PDE4C: variants seen among roughly 807,000 people sequenced by gnomAD.
PDE4C encodes 3',5'-cyclic-AMP phosphodiesterase 4C.
A neutral mutation model predicts 63.9 loss-of-function variants in PDE4C; 50 were observed. The ratio of observed to expected loss-of-function variants is 0.78; its 90% CI spans 0.62 to 0.99. The LOEUF (loss-of-function observed/expected upper bound fraction) is 0.99. Among genes scored for constraint, PDE4C ranks in the 50% least tolerant of loss-of-function variants. PDE4C has a pLI of 0.00. For synonymous variants in PDE4C, 377 were observed against 385.1 expected (o/e 0.98, Z 0.25); for missense variants, 777 against 899.1 (o/e 0.86, Z 1.74).
exon 15 of PDE4C, chr19:18,211,222 C>G: frequency 6.2e-6 from 10 of 1,610,834 alleles, no homozygotes; most frequent in Non-Finnish European, 8.5e-6. Flanking sequence ...TCTGGGTGGA[C>G]CAGGTCAGCC....
At chr19:18,225,700 G>C (rs1362788939) in intron 1 of PDE4C, 2 of 153,306 alleles carry the variant, frequency 1.3e-5, no homozygotes, top group East Asian at 3.8e-4. Flanking sequence ...AGAGGATGCA[G>C]CGCAAGCAGC....
At chr19:18,225,944 GTCA>G (rs1968700936) in intron 1 of PDE4C, among the ~76,000 whole-genome samples, 1 of 152,228 alleles carries the variant, frequency 6.6e-6, no homozygotes, top group Non-Finnish European at 1.5e-5. Context: ...GCCGGCGAGG[GTCA>G]GGAGGAGACG....
chr19:18,244,301 GTTTTT>G (rs945257643), intron 1 of PDE4C, among the ~76,000 whole-genome samples: 1 of 139,132 alleles, frequency 7.2e-6, no homozygotes, highest in East Asian at 2.2e-4. Flanking sequence ...GTTTTGTTTT[GTTTTT>G]TTTTTTGAGA....
At chr19:18,229,825 C>G (rs1376269945), upstream of PDE4C, among the ~76,000 whole-genome samples, 1 of 152,014 alleles carries the variant, frequency 6.6e-6, no homozygotes, top group East Asian at 1.9e-4. Flanking sequence ...CCTCCCATGG[C>G]CCCCCATTGC....
intron 1 of PDE4C, among the ~76,000 whole-genome samples, chr19:18,240,823 A>G (rs1290881245): frequency 6.6e-6 from 1 of 152,152 alleles, no homozygotes; most frequent in Non-Finnish European, 1.5e-5. Context: ...CGGAGAACGG[A>G]TGTGAGTTGA....
chr19:18,220,232 A>G lies in PDE4C; in HGVS notation c.700T>C (p.Phe234Leu). Residue 234 changes from phenylalanine (F) to leucine (L), a missense_variant, in exon 7 of 15, where the codon TTC becomes CTC. Coordinates refer to ENST00000262805, the Ensembl canonical transcript of PDE4C. This position sits in a 1 kb window ranked among gnomAD's most constrained non-coding sequence, Gnocchi z 5.1. ...GTGACTCAACAAAGCTCACCCAGGAAGGTCCGGGAGATGTACTCGGACACC... is the reference window on the plus strand; with the variant it reads ...GTGACTCAACAAAGCTCACCCAGGAGGGTCCGGGAGATGTACTCGGACACC... 6.2e-7 allele frequency: 1 copy of G among 1,613,120 alleles called. No individual in the cohort carries two copies. Among genetic ancestry groups the G allele is most frequent in the Non-Finnish European group, 8.5e-7 (1 of 1,179,178 alleles).
intron 1 of PDE4C, among the ~76,000 whole-genome samples, chr19:18,246,658 T>G (rs1969140505): frequency 6.6e-6 from 1 of 152,076 alleles, no homozygotes; most frequent in African/African-American, 2.4e-5. Flanking sequence ...CCAGGTATGG[T>G]GGTTCATGCC....
At chr19:18,233,386 G>A (rs1280495657) in exon 1 of PDE4C, 6 of 741,232 alleles carry the variant, frequency 8.1e-6, no homozygotes, top group South Asian at 5.9e-5. Flanking sequence ...AGGAGCTGTC[G>A]ATGCCCAGAT....
rs766711709 is a variant in PDE4C at position 18,221,180 on chromosome 19, T to C, written c.376-2A>G. The C allele has an allele frequency of 2.5e-6, 4 of 1,570,452 alleles. No homozygotes were observed. The South Asian group carries it at 4.7e-5, about 19-fold the overall frequency. On this transcript the variant is annotated splice_acceptor_variant, in intron 3 of 14. Coordinates refer to ENST00000262805, the Ensembl canonical transcript of PDE4C. LOFTEE classifies it high-confidence loss of function. ...AACGGTCCGCAGACTGGCCAGGACC[T>C]GTTGGGAGGAGGTGGTAGGCGGTGG...
At chr19:18,236,280 C>G (rs567046065), upstream of PDE4C, among the ~76,000 whole-genome samples, 2 of 151,782 alleles carry the variant, frequency 1.3e-5, no homozygotes, top group Non-Finnish European at 2.9e-5. Context: ...TGCTCTGTCA[C>G]CCAGGTTGGA....
At chr19:18,252,379 G>A (rs1013629597), upstream of PDE4C, 3 of 399,070 alleles carry the variant, frequency 7.5e-6, no homozygotes, top group African/African-American at 2.1e-5. Context: ...GATTTGGGGG[G>A]TTCCCCTGAA....
At chr19:18,250,655 G>C (rs748454673), upstream of PDE4C, among the ~76,000 whole-genome samples, 3 of 152,174 alleles carry the variant, frequency 2.0e-5, no homozygotes, top group Non-Finnish European at 4.4e-5. Context: ...CACCCAGGCT[G>C]GAGTGCAGTA....
At chr19:18,249,703 G>C (rs1228512706), upstream of PDE4C, among the ~76,000 whole-genome samples, 1 of 151,984 alleles carries the variant, frequency 6.6e-6, no homozygotes, top group African/African-American at 2.4e-5. Flanking sequence ...CTCCTGAGTA[G>C]CTGGGATTAC....
rs113060567 is a variant in PDE4C, at chr19:18,247,295, T to TC, written c.-210+875dup. ...TGGTCCCCGAGCAGCTCTAAGTGTT[T>TC]CTTTTTTTTTTGGTGGTGGGGACAG... On this transcript the variant is annotated intron_variant, in intron 1 of 15. Coordinates refer to the PDE4C transcript ENST00000594617. Among the ~76,000 whole-genome samples the TC allele has an allele frequency of 7.3e-3, 1,111 of 152,038 alleles. 24 individuals are homozygous for TC. The highest frequency in any genetic ancestry group is 0.025 in the African/African-American group (1,049 of 41,460).
intron 2 of PDE4C, among the ~76,000 whole-genome samples, chr19:18,221,654 T>G (rs368021417): frequency 2.6e-5 from 4 of 152,176 alleles, no homozygotes; most frequent in African/African-American, 9.7e-5. Context: ...AGGCAGACTC[T>G]TGCTCTTTCG....
At chr19:18,211,840 C>T in exon 14 of PDE4C, 1 of 1,614,256 alleles carries the variant, frequency 6.2e-7, no homozygotes, top group Non-Finnish European at 8.5e-7. Flanking sequence ...GGTCTCCCTG[C>T]TGGAAGAACT....
chr19:18,240,159 C>T (rs140410029), intron 1 of PDE4C, among the ~76,000 whole-genome samples: 6 of 151,938 alleles, frequency 3.9e-5, no homozygotes, highest in African/African-American at 1.2e-4. Context: ...AATAAAAAAG[C>T]TGGGAAACTG....
chr19:18,252,606 TTCTC>T (rs201689621), upstream of PDE4C: 16 of 367,752 alleles, frequency 4.4e-5, no homozygotes, highest in South Asian at 1.7e-4. Context: ...CTCTCTCTCT[TTCTC>T]TCTCTCTTTT....
intron 12 of PDE4C, 105 bp downstream of exon 12, chr19:18,216,636 T>A (rs1287620861): frequency 3.4e-6 from 4 of 1,177,924 alleles, no homozygotes; most frequent in Non-Finnish European, 3.5e-6. Context: ...TGGGTCTGGA[T>A]GAACCGCCGG....
Sources: gnomAD v4.1 joint callset for allele counts (sites outside exome capture counted in the v4.1 genomes callset) on GRCh38, gnomAD v4.1.1 for gene constraint, Gnocchi (gnomAD v3.1) non-coding constraint, MANE v1.5 for transcripts, NCBI Gene and HGNC (gene_info 2026-07-23, HGNC 2026-07-21) for gene names.